Variants in SGPP2 observed in about 807,000 individuals in gnomAD.
SGPP2 encodes sphingosine 1-phosphate phosphohydrolase 2.
In SGPP2, 30 loss-of-function variants were observed where a neutral mutation model predicts 33.9. That is an observed-to-expected ratio of 0.89 (90% CI 0.66 to 1.20). The LOEUF (loss-of-function observed/expected upper bound fraction) is 1.20, where lower values mean the gene tolerates loss of function less well. SGPP2 is among the 50% of genes most tolerant of loss of function. The pLI, the probability that SGPP2 is intolerant of heterozygous loss-of-function variation, is 0.00. For synonymous variants in SGPP2, 233 were observed against 225.0 expected (o/e 1.04, Z -0.32); for missense variants, 458 against 532.1 (o/e 0.86, Z 1.37).
intron 4 of SGPP2, among the ~76,000 whole-genome samples, chr2:222,534,942 G>A (rs191089873): frequency 3.5e-4 from 53 of 152,302 alleles, no homozygotes; most frequent in African/African-American, 1.2e-3. Flanking sequence ...CAAAGGAGAA[G>A]TTCAGATACC....
At chr2:222,492,746 C>G (rs1243745190) in intron 2 of SGPP2, among the ~76,000 whole-genome samples, 1 of 152,204 alleles carries the variant, frequency 6.6e-6, no homozygotes, top group Admixed American at 6.5e-5. Flanking sequence ...TGTCAGGCTG[C>G]AAATTTTCCA....
At chr2:222,523,970 G>T (rs1309778566) in intron 3 of SGPP2, among the ~76,000 whole-genome samples, 2 of 152,162 alleles carry the variant, frequency 1.3e-5, no homozygotes, top group Non-Finnish European at 2.9e-5. Flanking sequence ...ACTGGGCTTG[G>T]ACTCAGAAGG....
chr2:222,477,408 T>G lies in SGPP2; in HGVS notation c.378+2682T>G, dbSNP rs1226146167. 1.3e-5 allele frequency among the ~76,000 whole-genome samples: 2 copies of G among 151,632 alleles called. No individual in the cohort carries two copies. The highest frequency in any genetic ancestry group is 2.9e-5 in the Non-Finnish European group (2 of 67,900). ...ATATATGTGTATAGGTGTGTATATATGTGTGTTTATAGGTATGTATATATG... is the reference window on the plus strand; with the variant it reads ...ATATATGTGTATAGGTGTGTATATAGGTGTGTTTATAGGTATGTATATATG... On this transcript the variant is annotated intron_variant, in intron 2 of 4. Coordinates refer to ENST00000321276, the MANE Select transcript of SGPP2 (RefSeq NM_152386.4). The surrounding 1 kb of genome is among the most constrained non-coding windows in gnomAD (Gnocchi z 6.0).
intron 1 of SGPP2, among the ~76,000 whole-genome samples, chr2:222,467,981 A>C (rs1189294879): frequency 7.2e-6 from 1 of 139,830 alleles, no homozygotes; most frequent in African/African-American, 2.9e-5. Flanking sequence ...AAAAAAAAAA[A>C]AAAAAAACAG....
chr2:222,468,498 G>A (rs1697785637), intron 1 of SGPP2, among the ~76,000 whole-genome samples: 1 of 152,144 alleles, frequency 6.6e-6, no homozygotes, highest in South Asian at 2.1e-4. Flanking sequence ...ACTTCCCCAA[G>A]GTCACACTTT....
chr2:222,449,258 A>G (rs1404904734), intron 1 of SGPP2, among the ~76,000 whole-genome samples: 2 of 152,304 alleles, frequency 1.3e-5, no homozygotes, highest in East Asian at 3.9e-4. Context: ...CTCACAGTTA[A>G]CTGGTCAGAA....
At position 222,469,088 on chromosome 2, in the gene SGPP2, T is replaced by C. The variant is rs115638563; in HGVS notation, c.220-5480T>C. 7.3e-3 allele frequency among the ~76,000 whole-genome samples: 1,111 copies of C among 152,342 alleles called. 17 individuals carry two copies. The highest frequency in any genetic ancestry group is 0.025 in the African/African-American group (1,054 of 41,570). The stretch of plus-strand genomic sequence containing the variant: ...ACATTTTGCAGCTAGTAATAATGGG[T>C]AATAATAATGTGGGTAATTTTCATT... On this transcript the variant is annotated intron_variant, in intron 1 of 4. Coordinates refer to ENST00000321276, the MANE Select transcript of SGPP2 (RefSeq NM_152386.4).
intron 1 of SGPP2, among the ~76,000 whole-genome samples, chr2:222,448,185 G>A (rs1330794153): frequency 6.6e-6 from 1 of 152,190 alleles, no homozygotes; most frequent in Non-Finnish European, 1.5e-5. Context: ...TCTCTCATGG[G>A]ACTCGGTGAG....
chr2:222,483,389 G>C (rs752389653), intron 2 of SGPP2, among the ~76,000 whole-genome samples: 7 of 151,610 alleles, frequency 4.6e-5, no homozygotes, highest in Non-Finnish European at 8.8e-5. Flanking sequence ...AGGTTCTTCT[G>C]TTCCTATCCT....
At chr2:222,514,631 GAGTT>G (rs34131339) in intron 2 of SGPP2, among the ~76,000 whole-genome samples, 116,558 of 151,948 alleles carry the variant, frequency 0.77, 48,017 homozygotes, top group East Asian at 0.98. Flanking sequence ...TTGTAAAAGA[GAGTT>G]AGGCTCTCAA....
chr2:222,515,075 A>T (rs934429840), intron 2 of SGPP2, among the ~76,000 whole-genome samples: 1 of 150,720 alleles, frequency 6.6e-6, no homozygotes, highest in Non-Finnish European at 1.5e-5. Context: ...CCTACTGCTG[A>T]CTTACATCAT....
chr2:222,509,022 G>A (rs989832247), intron 2 of SGPP2, among the ~76,000 whole-genome samples: 1 of 152,074 alleles, frequency 6.6e-6, no homozygotes, highest in Non-Finnish European at 1.5e-5. Context: ...ACACTGGATG[G>A]TAAACAGTAG....
intron 1 of SGPP2, among the ~76,000 whole-genome samples, chr2:222,464,352 T>C (rs1697711922): frequency 6.6e-6 from 1 of 152,224 alleles, no homozygotes; most frequent in African/African-American, 2.4e-5. Flanking sequence ...GAAGTTCACA[T>C]TCCTGGTCTC....
chr2:222,479,165 C>T (rs769540417), intron 2 of SGPP2, among the ~76,000 whole-genome samples: 4 of 152,136 alleles, frequency 2.6e-5, no homozygotes, highest in African/African-American at 4.8e-5. Context: ...TTTGCTCCTG[C>T]GCCCAGGCCT....
At chr2:222,433,691 A>ATT (rs11413888) in intron 1 of SGPP2, among the ~76,000 whole-genome samples, 2 of 151,980 alleles carry the variant, frequency 1.3e-5, no homozygotes, top group East Asian at 3.9e-4. Flanking sequence ...TAGCTTGATG[A>ATT]TTTTTTTCCC....
intron 2 of SGPP2, among the ~76,000 whole-genome samples, chr2:222,483,128 A>C (rs1698054282): frequency 6.6e-6 from 1 of 152,242 alleles, no homozygotes; most frequent in Non-Finnish European, 1.5e-5. Flanking sequence ...ACTGAATGCT[A>C]ATATGGCTTT....
At chr2:222,491,562 T>C (rs1047122255) in intron 2 of SGPP2, among the ~76,000 whole-genome samples, 3 of 152,138 alleles carry the variant, frequency 2.0e-5, no homozygotes, top group African/African-American at 7.2e-5. Flanking sequence ...GAGAACAGCA[T>C]GCGGGGAAAC....
intron 1 of SGPP2, among the ~76,000 whole-genome samples, chr2:222,464,310 C>A (rs1288731517): frequency 2.0e-5 from 3 of 152,196 alleles, no homozygotes; most frequent in Non-Finnish European, 4.4e-5. Context: ...ATGCCAATGT[C>A]TCTTATTGTC....
At chr2:222,534,080 C>T (rs1698878988) in intron 4 of SGPP2, among the ~76,000 whole-genome samples, 1 of 152,194 alleles carries the variant, frequency 6.6e-6, no homozygotes, top group Non-Finnish European at 1.5e-5. Context: ...ATGATATGCT[C>T]TCTGCATCTA....
Sources: gnomAD v4.1 joint callset for allele counts (sites outside exome capture counted in the v4.1 genomes callset) on GRCh38, gnomAD v4.1.1 for gene constraint, Gnocchi (gnomAD v3.1) non-coding constraint, MANE v1.5 for transcripts, NCBI Gene and HGNC (gene_info 2026-07-23, HGNC 2026-07-21) for gene names.